Variants in UBE4B observed in about 807,000 individuals in gnomAD.
The protein encoded by UBE4B is ubiquitination factor E4B.
A neutral mutation model predicts 148.1 loss-of-function variants in UBE4B; 27 were observed. The observed-to-expected ratio is 0.18, with a 90% confidence interval of 0.13 to 0.25. The LOEUF (loss-of-function observed/expected upper bound fraction) is 0.25. Ranked by LOEUF, UBE4B falls within the 10% of genes least tolerant of loss-of-function variation. The pLI is 1.00. For missense variants in UBE4B, 1,170 were observed against 1,662.4 expected, an observed-to-expected ratio of 0.70 and a Z score of 5.15; for synonymous variants, 596 against 619.3, an observed-to-expected ratio of 0.96 and a Z score of 0.56.
At chr1:10,067,619 A>C (rs111257057) in intron 1 of UBE4B, among the ~76,000 whole-genome samples, 1 of 150,502 alleles carries the variant, frequency 6.6e-6, no homozygotes, top group Non-Finnish European at 1.5e-5. Flanking sequence ...AATTAGATAC[A>C]CTTTTTTTTT....
chr1:10,126,822 C>T lies in UBE4B; in HGVS notation c.1583C>T (p.Ala528Val). 4 of 1,614,064 alleles carry T rather than the reference C, an allele frequency of 2.5e-6. No homozygotes were observed. The highest frequency in any genetic ancestry group is 3.4e-6 in the Non-Finnish European group (4 of 1,179,968). The change falls in exon 11 of 28, where the codon GCT becomes GTT. Residue 528 changes from alanine (A) to valine (V), a missense_variant. Transcript: ENST00000343090. The stretch of plus-strand genomic sequence containing the variant: ...TTTATCCCCATTTTACAAGGCCTGG[C>T]TCTTGCTGCCAAAGAGTGCTCCCTC... ...QIFIPILQGLALAAKECSLDS... is the reference protein window; with the variant it reads ...QIFIPILQGLVLAAKECSLDS...
Position 10,111,044 on chromosome 1 carries a change from G to GACACACAC in UBE4B, c.1196+4503_1196+4510dup, listed in dbSNP as rs55936075. 5.7e-3 allele frequency among the ~76,000 whole-genome samples: 650 copies of GACACACAC among 113,434 alleles called. 13 individuals carry two copies. The highest frequency in any genetic ancestry group is 7.9e-3 in the East Asian group (32 of 4,052). 74.4% of individuals were successfully genotyped at this position (113,434 alleles called of 152,430 possible). ...TCTCTCTCTGTCTTTCTCTGTCTCTGACACACACACACACACACACACACA... is the reference window on the plus strand; with the variant it reads ...TCTCTCTCTGTCTTTCTCTGTCTCTGACACACACACACACACACACACACACACACACA... On this transcript the variant is annotated intron_variant, in intron 7 of 27. Transcript: ENST00000343090.
At chr1:10,042,730 G>A (rs926107970) in intron 1 of UBE4B, among the ~76,000 whole-genome samples, 11 of 152,170 alleles carry the variant, frequency 7.2e-5, no homozygotes, top group Admixed American at 3.3e-4. Flanking sequence ...ACTTAGGGAT[G>A]GAGTATTGTT....
At chr1:10,071,076 T>G (rs1644476134) in intron 1 of UBE4B, among the ~76,000 whole-genome samples, 1 of 151,800 alleles carries the variant, frequency 6.6e-6, no homozygotes, top group South Asian at 2.1e-4. Flanking sequence ...CTGGCTAATT[T>G]TTGTATTTTT....
intron 16 of UBE4B, among the ~76,000 whole-genome samples, chr1:10,136,671 G>A (rs965450921): frequency 6.6e-6 from 1 of 152,142 alleles, no homozygotes; most frequent in African/African-American, 2.4e-5. Context: ...TGTAATCCCA[G>A]CACTTTGGGA....
At chr1:10,154,558 C>T (rs1180932070) in intron 21 of UBE4B, among the ~76,000 whole-genome samples, 1 of 151,966 alleles carries the variant, frequency 6.6e-6, no homozygotes, top group East Asian at 1.9e-4. Flanking sequence ...AAACAACTGG[C>T]CGGGCTCAGT....
At chr1:10,054,262 A>T (rs1644117704) in intron 1 of UBE4B, among the ~76,000 whole-genome samples, 1 of 152,188 alleles carries the variant, frequency 6.6e-6, no homozygotes, top group East Asian at 1.9e-4. Flanking sequence ...ACAGTAAGCC[A>T]CCTCACATCT....
rs1464934070 is a variant in UBE4B, at chr1:10,061,754, T to G, written c.25-10274T>G. 4.6e-5 allele frequency among the ~76,000 whole-genome samples: 7 copies of G among 152,140 alleles called. No individual in the cohort carries two copies. In the East Asian group the frequency reaches 1.3e-3, roughly 29 times the overall value. On this transcript the variant is annotated intron_variant, in intron 1 of 27. Transcript: ENST00000343090. ...CAAGCCGCACCAGCAAAGCTGATGC[T>G]TGGATCTCTTCATTTGGGCTACTCT...
In UBE4B at chr1:10,149,255, T is replaced by C; in HGVS notation, c.2663T>C (p.Val888Ala). Reference sequence around the variant, plus strand: ...TTGCCTGAGTTTTATGTAGAAGATGTTGCAGAATTTTTATTTTTTATTGTA... The same window carrying C: ...TTGCCTGAGTTTTATGTAGAAGATGCTGCAGAATTTTTATTTTTTATTGTA... ...AALPEFYVED[V>A]AEFLFFIVQY... is the part of the protein sequence containing the mutation. The change falls in exon 20 of 28, where the codon GTT becomes GCT. Residue 888 changes from valine (V) to alanine (A), a missense_variant. Physicochemically the swap from Val to Ala is moderately conservative, Grantham distance 64. This residue lies in a region of UBE4B where 348 missense variants were observed against 627.2 expected (regional missense o/e 0.55). Transcript: ENST00000343090. 1 of 1,609,090 alleles carries C rather than the reference T, an allele frequency of 6.2e-7. No individual in the cohort carries two copies. Among genetic ancestry groups the C allele is most frequent in the Non-Finnish European group, 8.5e-7 (1 of 1,178,722 alleles).
At chr1:10,103,178 A>G in intron 5 of UBE4B, 86 bp downstream of exon 5, 1 of 1,385,238 alleles carries the variant, frequency 7.2e-7, no homozygotes, top group South Asian at 1.5e-5. Flanking sequence ...ATCCACATTC[A>G]CTCCATCTTG....
intron 1 of UBE4B, among the ~76,000 whole-genome samples, chr1:10,041,142 A>T (rs1242376371): frequency 6.6e-6 from 1 of 152,062 alleles, no homozygotes; most frequent in Non-Finnish European, 1.5e-5. Context: ...CTTGCTTCAC[A>T]AGGTTGGCAT....
At chr1:10,131,087 C>A (rs1384486354) in intron 14 of UBE4B, among the ~76,000 whole-genome samples, 1 of 152,216 alleles carries the variant, frequency 6.6e-6, no homozygotes, top group Non-Finnish European at 1.5e-5. Flanking sequence ...TAGGCATTTA[C>A]ACTGTGAGGG....
At chr1:10,043,747 G>T (rs1643863414) in intron 1 of UBE4B, among the ~76,000 whole-genome samples, 2 of 152,152 alleles carry the variant, frequency 1.3e-5, no homozygotes, top group African/African-American at 4.8e-5. Flanking sequence ...CTTATAAATA[G>T]ATGGTGTAAT....
rs563466209 is a variant in UBE4B at position 10,144,208 on chromosome 1, G to C, written c.2364-732G>C. On this transcript the variant is annotated intron_variant, in intron 17 of 27. Transcript: ENST00000343090. ...AAGCCAGAGATAACCTCAGAGAAGA[G>C]CATTGCGAGCAGAGGGAACAGTTGT... 1.2e-4 allele frequency among the ~76,000 whole-genome samples: 18 copies of C among 152,318 alleles called. No individual in the cohort carries two copies. In the South Asian group the frequency reaches 1.2e-3, roughly 11 times the overall value.
chr1:10,085,526 T>G (rs1428863721), intron 2 of UBE4B, among the ~76,000 whole-genome samples: 2 of 152,208 alleles, frequency 1.3e-5, no homozygotes, highest in East Asian at 3.8e-4. Context: ...GTTGATAAGA[T>G]TTGTCACTGT....
At chr1:10,059,907 A>G (rs372009924) in intron 1 of UBE4B, among the ~76,000 whole-genome samples, 1 of 151,982 alleles carries the variant, frequency 6.6e-6, no homozygotes, top group East Asian at 1.9e-4. Flanking sequence ...AGGAGAGCTG[A>G]GGGGTGGCAA....
Position 10,121,333 on chromosome 1 carries a change from C to T in UBE4B, c.1440-629C>T, listed in dbSNP as rs565154754. Among the ~76,000 whole-genome samples the T allele has an allele frequency of 2.3e-3, 348 of 152,190 alleles. 3 individuals carry two copies. The highest frequency in any genetic ancestry group is 8.0e-3 in the African/African-American group (332 of 41,534). On this transcript the variant is annotated intron_variant, in intron 9 of 27. Coordinates refer to ENST00000343090, the MANE Select transcript of UBE4B (RefSeq NM_001105562.3). ...TTGCGCCACCATACTCCAGCCTGGG[C>T]AACAGAGCGAGACTCCATCTCTAAA...
chr1:10,051,508 T>A (rs1644043841), intron 1 of UBE4B, among the ~76,000 whole-genome samples: 1 of 152,176 alleles, frequency 6.6e-6, no homozygotes, highest in Non-Finnish European at 1.5e-5. Context: ...GACCGTGGCT[T>A]ATGTGAAAGG....
chr1:10,111,006 C>A (rs1645208446), intron 7 of UBE4B, among the ~76,000 whole-genome samples: 1 of 147,878 alleles, frequency 6.8e-6, no homozygotes, highest in Non-Finnish European at 1.5e-5. Context: ...TCTCTTCTCT[C>A]TGTCTCTCTC....
Sources: allele counts gnomAD v4.1 joint callset (sites outside exome capture counted in the v4.1 genomes callset), GRCh38; gene constraint gnomAD v4.1.1; regional missense constraint gnomAD v4.1.1; transcripts MANE v1.5; gene names NCBI Gene and HGNC (gene_info 2026-07-23, HGNC 2026-07-21).